Variants in GSG1 observed in about 807,000 individuals in gnomAD.
GSG1 encodes the protein germ cell-specific gene 1 protein.
A neutral mutation model predicts 30.8 loss-of-function variants in GSG1; 28 were observed. The ratio of observed to expected loss-of-function variants is 0.91; its 90% CI spans 0.67 to 1.25. The LOEUF (loss-of-function observed/expected upper bound fraction) is 1.25. GSG1 is among the 50% of genes most tolerant of loss of function. GSG1 has a pLI of 0.00. For synonymous variants in GSG1, 162 were observed against 178.0 expected (o/e 0.91, Z 0.71); for missense variants, 435 against 444.7 (o/e 0.98, Z 0.20).
In GSG1 at chr12:13,101,515, C is replaced by T. The variant is rs1207047228; in HGVS notation, c.48+1950G>A. Among the ~76,000 whole-genome samples the T allele has an allele frequency of 6.6e-6, 1 of 152,218 alleles. No homozygotes were observed. Among genetic ancestry groups the T allele is most frequent in the African/African-American group, 2.4e-5 (1 of 41,462 alleles). ...AGAGAGCAGGGACTGCCAGGGCAGG[C>T]CAGGGACCCGGCGAGCCGCGGAGGG... On this transcript the variant is annotated intron_variant, in intron 1 of 6. Transcript: ENST00000651961. The surrounding 1 kb of genome is among the most constrained non-coding windows in gnomAD (Gnocchi z 5.8).
In GSG1 at chr12:13,097,265, G is replaced by A. The variant is rs140915467; in HGVS notation, c.48+6200C>T. 1.8e-3 allele frequency among the ~76,000 whole-genome samples: 279 copies of A among 152,158 alleles called. 1 individual carries two copies. Among genetic ancestry groups the A allele is most frequent in the African/African-American group, 6.2e-3 (258 of 41,506 alleles). On this transcript the variant is annotated intron_variant, in intron 1 of 6. Coordinates refer to ENST00000651961, the MANE Select transcript of GSG1 (RefSeq NM_001080555.4). ...CCTGGTGAATTGCCTGCCTTTCAAC[G>A]AAATTAGTCTAAAAAGTCATCCACT...
chr12:13,088,142 G>T, intron 4 of GSG1, 83 bp from the exon 5 acceptor site: 1 of 1,471,546 alleles, frequency 6.8e-7, no homozygotes, highest in Non-Finnish European at 9.4e-7. Context: ...TGCCTATTAG[G>T]AGTTAAGACC....
At position 13,090,614 on chromosome 12, in the gene GSG1, ATG is replaced by A; in HGVS notation, c.251_252del (p.Thr84IlefsTer15). On this transcript the variant is annotated frameshift_variant, in exon 2 of 7. Transcript: ENST00000651961. LOFTEE classifies it high-confidence loss of function. ...TTGTATTGTACCACCTCCTGGGTGG[ATG>A]TGTTGGTATCTCCATCCAGGGACAC... is the stretch of plus-strand genomic sequence containing the variant. ...MPVSLDGDTN[T>X]STQEVVQYNW... 1 of 1,614,162 alleles carries A rather than the reference ATG, an allele frequency of 6.2e-7. No homozygotes were observed.
chr12:13,093,466 A>G lies in GSG1; in HGVS notation c.49-2648T>C, dbSNP rs957179369. Among the ~76,000 whole-genome samples the G allele has an allele frequency of 6.6e-6, 1 of 152,200 alleles. No homozygotes were observed. Among genetic ancestry groups the G allele is most frequent in the African/African-American group, 2.4e-5 (1 of 41,456 alleles). On this transcript the variant is annotated intron_variant, in intron 1 of 6. Coordinates refer to ENST00000651961, the MANE Select transcript of GSG1 (RefSeq NM_001080555.4). The surrounding 1 kb of genome is among the most constrained non-coding windows in gnomAD (Gnocchi z 4.6). ...GATGCTTTGGGGCCTGGAGGATAAA[A>G]GAGGGCAGTGAACCTACTGGGATGT...
chr12:13,086,832 TA>T (rs1865575828), intron 6 of GSG1, among the ~76,000 whole-genome samples: 1 of 152,176 alleles, frequency 6.6e-6, no homozygotes. Flanking sequence ...AGCACATTTC[TA>T]TAAGGCCTAC....
intron 1 of GSG1, among the ~76,000 whole-genome samples, chr12:13,097,748 A>T (rs1862840313): frequency 6.6e-6 from 1 of 152,150 alleles, no homozygotes; most frequent in Admixed American, 6.5e-5. Flanking sequence ...ATACCCAGGG[A>T]ATTCATGTAA....
chr12:13,098,246 G>C (rs1218360337), intron 1 of GSG1, among the ~76,000 whole-genome samples: 1 of 151,484 alleles, frequency 6.6e-6, no homozygotes, highest in African/African-American at 2.4e-5. Flanking sequence ...TCCGTCACGT[G>C]CTTCCCCCAC....
At position 13,087,221 on chromosome 12, in the gene GSG1, A is replaced by T; in HGVS notation, c.677T>A (p.Phe226Tyr). 1 of 1,614,124 alleles carries T rather than the reference A, an allele frequency of 6.2e-7. No individual in the cohort carries two copies. The highest frequency in any genetic ancestry group is 1.1e-5 in the South Asian group (1 of 91,078). The change falls in exon 6 of 7, where the codon TTC (phenylalanine) becomes TAC (tyrosine). Residue 226 changes from phenylalanine (F) to tyrosine (Y), a missense_variant. Phe to Tyr is a conservative substitution (Grantham distance 22). Coordinates refer to ENST00000651961, the MANE Select transcript of GSG1 (RefSeq NM_001080555.4). ...MVAHMMYSQV[F>Y]QATVNLGPED... ...TGGACCCAAGTTGACAGTCGCTTGG[A>T]AGACTTGTGAATACATCATGTGGGC...
intron 2 of GSG1, among the ~76,000 whole-genome samples, chr12:13,089,833 C>T (rs1400541876): frequency 2.0e-5 from 3 of 152,148 alleles, no homozygotes; most frequent in Admixed American, 2.0e-4. Context: ...GGCAGATCAC[C>T]TGAGGTCGGG....
intron 5 of GSG1, 94 bp from the exon 6 acceptor site, chr12:13,087,357 C>CT: frequency 1.1e-6 from 1 of 893,340 alleles, no homozygotes; most frequent in Non-Finnish European, 1.8e-6. Context: ...TGCAGTCAGG[C>CT]GCAGCCTCTG....
intron 1 of GSG1, among the ~76,000 whole-genome samples, chr12:13,100,902 C>T (rs1565552847): frequency 6.6e-6 from 1 of 152,184 alleles, no homozygotes; most frequent in Non-Finnish European, 1.5e-5. Flanking sequence ...ACGTAGGTCC[C>T]GAGTTTTGGG....
chr12:13,099,613 T>C (rs2120953997), intron 1 of GSG1, among the ~76,000 whole-genome samples: 1 of 152,280 alleles, frequency 6.6e-6, no homozygotes, highest in Admixed American at 6.5e-5. Flanking sequence ...GGGAATGCAA[T>C]TTATTGTTTT....
intron 3 of GSG1, 109 bp from the exon 4 acceptor site, chr12:13,089,018 C>T: frequency 7.1e-7 from 1 of 1,399,052 alleles, no homozygotes; most frequent in Admixed American, 2.0e-5. Context: ...ACAGCACCTG[C>T]CCCGCATAGA....
intron 4 of GSG1, among the ~76,000 whole-genome samples, chr12:13,088,367 C>T (rs146225217): frequency 1.3e-5 from 2 of 152,296 alleles, no homozygotes; most frequent in East Asian, 3.9e-4. Context: ...CTCTAGTTAT[C>T]ATTTTTTGTC....
rs774751028 is a variant in GSG1, at chr12:13,085,000, G to A, written c.990C>T (p.Val330=). 19 of 1,556,164 alleles carry A rather than the reference G, an allele frequency of 1.2e-5. No homozygotes were observed. Among genetic ancestry groups the A allele is most frequent in the African/African-American group, 2.7e-5 (2 of 73,324 alleles). ...TGTTCCGCAGCTCGGAGTAGAAGTC[G>A]ACTCCCTCAGAGACAGAGTGGATGG... ...NQPIHSVSEG[V]DFYSELRNKG... is the part of the protein sequence containing the mutation. Residue 330 remains valine (V), a synonymous_variant, in exon 7 of 7, where the codon GTC becomes GTT. Coordinates refer to ENST00000651961, the MANE Select transcript of GSG1 (RefSeq NM_001080555.4).
intron 2 of GSG1, 44 bp downstream of exon 2, chr12:13,090,459 C>T: frequency 1.3e-6 from 2 of 1,553,660 alleles, no homozygotes; most frequent in Non-Finnish European, 1.8e-6. Context: ...AGATCCCTTG[C>T]CCGCCCTGAC....
At position 13,084,931 on chromosome 12, in the gene GSG1, A is replaced by G; in HGVS notation, c.1059T>C (p.Val353=). 6.4e-7 allele frequency: 1 copy of G among 1,551,470 alleles called. No individual in the cohort carries two copies. Among genetic ancestry groups the G allele is most frequent in the Non-Finnish European group, 8.7e-7 (1 of 1,146,832 alleles). ...ACTGCTCTTCCTCTACAGATGACCT[A>G]ACTGCTTCTTTCAGCTCCTGGCTGG... The part of the protein sequence containing the change: ...RGASQELKEA[V]RSSVEEEQC The change falls in exon 7 of 7, where the codon GTT becomes GTC. Residue 353 remains valine, a synonymous_variant. Coordinates refer to ENST00000651961, the MANE Select transcript of GSG1 (RefSeq NM_001080555.4).
chr12:13,092,326 G>T (rs1866231958), intron 1 of GSG1, among the ~76,000 whole-genome samples: 2 of 152,146 alleles, frequency 1.3e-5, no homozygotes. Context: ...TAGCAGTGAT[G>T]GATCTGCCAG....
chr12:13,097,809 T>A (rs1199135610), intron 1 of GSG1, among the ~76,000 whole-genome samples: 1 of 152,208 alleles, frequency 6.6e-6, no homozygotes, highest in South Asian at 2.1e-4. Flanking sequence ...AAACCCTCTG[T>A]ATCCGCCCCC....
Sources: gnomAD v4.1 joint callset for allele counts (sites outside exome capture counted in the v4.1 genomes callset) on GRCh38, gnomAD v4.1.1 for gene constraint, Gnocchi (gnomAD v3.1) non-coding constraint, MANE v1.5 for transcripts, NCBI Gene and HGNC (gene_info 2026-07-23, HGNC 2026-07-21) for gene names.